The following MBNL2 variants were observed in gnomAD, a reference collection of about 807,000 sequenced individuals.
MBNL2 encodes the protein muscleblind-like protein 2.
In MBNL2, 17 loss-of-function variants were observed where a neutral mutation model predicts 41.9. That is an observed-to-expected ratio of 0.41 (90% CI 0.28 to 0.61). MBNL2 has a LOEUF of 0.61. MBNL2 is among the 20% of genes least tolerant of loss of function. MBNL2 has a pLI of 0.35. For synonymous variants in MBNL2, 195 were observed against 182.9 expected, an observed-to-expected ratio of 1.07 and a Z score of -0.53; for missense variants, 336 against 505.6, an observed-to-expected ratio of 0.66 and a Z score of 3.22.
chr13:97,352,736 G>A (rs537062045), intron 5 of MBNL2, among the ~76,000 whole-genome samples: 3 of 152,198 alleles, frequency 2.0e-5, no homozygotes, highest in Non-Finnish European at 4.4e-5. Flanking sequence ...AAAAACTGAA[G>A]TATCTGCAAA....
chr13:97,317,578 T>C (rs77168993), intron 2 of MBNL2, among the ~76,000 whole-genome samples: 1,851 of 152,324 alleles, frequency 0.012, 44 homozygotes, highest in African/African-American at 0.042. Flanking sequence ...ATAATCCTTT[T>C]GGCTGTCTGA....
At chr13:97,368,016 G>A (rs2064003417) in intron 8 of MBNL2, among the ~76,000 whole-genome samples, 1 of 152,142 alleles carries the variant, frequency 6.6e-6, no homozygotes, top group Non-Finnish European at 1.5e-5. Flanking sequence ...TCTTAATAGG[G>A]AAGCTGGATA....
intron 8 of MBNL2, among the ~76,000 whole-genome samples, chr13:97,381,900 T>C (rs1035404324): frequency 1.3e-5 from 2 of 152,050 alleles, no homozygotes; most frequent in African/African-American, 4.8e-5. Context: ...CATATTATGT[T>C]ACATAATATT....
At chr13:97,339,489 G>T (rs969867138) in intron 3 of MBNL2, among the ~76,000 whole-genome samples, 1 of 152,148 alleles carries the variant, frequency 6.6e-6, no homozygotes, top group African/African-American at 2.4e-5. Context: ...TTTGAGCTGA[G>T]AGATGACGTG....
chr13:97,328,138 C>T (rs2153052456), intron 2 of MBNL2, among the ~76,000 whole-genome samples: 1 of 151,362 alleles, frequency 6.6e-6, no homozygotes, highest in East Asian at 1.9e-4. Context: ...CATTTTAAAT[C>T]CAATTAGTCC....
chr13:97,202,073 A>G, the MBNL2 span, among the ~76,000 whole-genome samples: 2 of 152,346 alleles, frequency 1.3e-5, no homozygotes, highest in South Asian at 4.1e-4. Context: ...AGATGTGATA[A>G]TGGTATTGTG....
Position 97,224,853 on chromosome 13 carries a change from G to A in MBNL2, c.-605+2322G>A, listed in dbSNP as rs73555731. On this transcript the variant is annotated intron_variant, in intron 1 of 8. Coordinates refer to ENST00000679496, the MANE Select transcript of MBNL2 (RefSeq NM_001382683.1). ...AAATGAAATTTCCAAGGAAATCAAA[G>A]CGTTGTTGTTTGCATTTTTTCCATC... is the stretch of plus-strand genomic sequence containing the variant. 3.6e-3 allele frequency among the ~76,000 whole-genome samples: 543 copies of A among 152,316 alleles called. 4 individuals are homozygous for A. Among genetic ancestry groups the A allele is most frequent in the African/African-American group, 0.013 (525 of 41,568 alleles).
chr13:97,287,060 C>CTA (rs1218239119), intron 2 of MBNL2, among the ~76,000 whole-genome samples: 2 of 151,512 alleles, frequency 1.3e-5, no homozygotes, highest in East Asian at 3.9e-4. Context: ...TTCTGGCTGA[C>CTA]TATTACTCAG....
intron 7 of MBNL2, among the ~76,000 whole-genome samples, chr13:97,361,758 ATTTTTTTTTTT>A (rs71117641): frequency 1.8e-5 from 1 of 56,318 alleles, no homozygotes; most frequent in Non-Finnish European, 3.2e-5. Context: ...TATAGGCGTA[ATTTTTTTTTTT>A]TTTTTTTTTT....
rs1394892464 is a variant in MBNL2 at position 97,268,958 on chromosome 13, C to T, written c.-604-6674C>T. ...AAAGGACGAAGGAGGGGGCGCTGTT[C>T]CGGATGCAGGCCCGTGAGGAGGGCC... is the stretch of plus-strand genomic sequence containing the variant. On this transcript the variant is annotated intron_variant, in intron 1 of 8. Transcript: ENST00000679496. This position sits in a 1 kb window ranked among gnomAD's most constrained non-coding sequence, Gnocchi z 4.6. Among the ~76,000 whole-genome samples, 1 of 152,186 alleles carries T rather than the reference C, an allele frequency of 6.6e-6. No homozygotes were observed. Among genetic ancestry groups the T allele is most frequent in the Non-Finnish European group, 1.5e-5 (1 of 68,048 alleles).
chr13:97,317,763 T>C (rs1170394442), intron 2 of MBNL2, among the ~76,000 whole-genome samples: 1 of 152,230 alleles, frequency 6.6e-6, no homozygotes, highest in Non-Finnish European at 1.5e-5. Flanking sequence ...GCCAACCATA[T>C]TTATAAAATA....
intron 2 of MBNL2, among the ~76,000 whole-genome samples, chr13:97,291,917 A>AAAAAAAAAAAAAAAAAAAAAT (rs398070410): frequency 8.0e-6 from 1 of 125,310 alleles, no homozygotes; most frequent in African/African-American, 3.1e-5. Context: ...AAAAAAAAAA[A>AAAAAAAAAAAAAAAAAAAAAT]GTGGGCTGGG....
chr13:97,384,663 C>T (rs933142304), intron 8 of MBNL2, among the ~76,000 whole-genome samples: 1 of 152,184 alleles, frequency 6.6e-6, no homozygotes, highest in Non-Finnish European at 1.5e-5. Flanking sequence ...GGGTGAGCAA[C>T]GTGCGAGCCT....
the MBNL2 span, among the ~76,000 whole-genome samples, chr13:97,158,779 C>T: frequency 1.3e-5 from 2 of 151,934 alleles, no homozygotes; most frequent in African/African-American, 2.4e-5. Context: ...TATAATTTCT[C>T]TTCTTTTACA....
chr13:97,231,920 C>T (rs980006323), intron 1 of MBNL2, among the ~76,000 whole-genome samples: 4 of 152,128 alleles, frequency 2.6e-5, no homozygotes, highest in African/African-American at 9.7e-5. Flanking sequence ...TGCATCCTCA[C>T]ATCCTTGGTG....
the MBNL2 span, chr13:97,179,650 C>A: frequency 6.6e-5 from 10 of 152,362 alleles, no homozygotes; most frequent in Admixed American, 5.9e-4. Context: ...TTCCCTTGAA[C>A]TATGCCCTGA....
At chr13:97,330,931 G>T (rs1332391582) in intron 2 of MBNL2, among the ~76,000 whole-genome samples, 3 of 152,136 alleles carry the variant, frequency 2.0e-5, no homozygotes, top group African/African-American at 7.2e-5. Flanking sequence ...ATTAATACTA[G>T]ATTGTACTAG....
At chr13:97,250,581 C>T (rs1270212116) in intron 1 of MBNL2, among the ~76,000 whole-genome samples, 1 of 152,064 alleles carries the variant, frequency 6.6e-6, no homozygotes, top group Non-Finnish European at 1.5e-5. Flanking sequence ...TTCTGACCCT[C>T]CTTTTAGTAT....
intron 8 of MBNL2, among the ~76,000 whole-genome samples, chr13:97,373,329 T>A (rs1465871669): frequency 6.6e-6 from 1 of 151,888 alleles, no homozygotes; most frequent in Non-Finnish European, 1.5e-5. Context: ...GGGATTCAGG[T>A]TGGAGAATGG....
Sources: gnomAD v4.1 joint callset for allele counts (sites outside exome capture counted in the v4.1 genomes callset) on GRCh38, gnomAD v4.1.1 for gene constraint, Gnocchi (gnomAD v3.1) non-coding constraint, MANE v1.5 for transcripts, NCBI Gene and HGNC (gene_info 2026-07-23, HGNC 2026-07-21) for gene names.